Variants in PDZD2 observed in about 807,000 individuals in gnomAD.
The protein encoded by PDZD2 is PDZ domain-containing protein 2.
A neutral mutation model predicts 220.7 loss-of-function variants in PDZD2; 90 were observed. The observed-to-expected ratio is 0.41, with a 90% CI of 0.34 to 0.49. The LOEUF is 0.49. PDZD2 is among the 20% of genes least tolerant of loss of function. The probability of loss-of-function intolerance (pLI) is 0.28; values close to 1 mark genes in which losing one functional copy is unlikely to be tolerated. For synonymous variants in PDZD2, 1,375 were observed against 1,450.5 expected, an observed-to-expected ratio of 0.95 and a Z score of 1.18; for missense variants, 3,174 against 3,608.5, an observed-to-expected ratio of 0.88 and a Z score of 3.08.
intron 1 of PDZD2, among the ~76,000 whole-genome samples, chr5:31,655,205 C>T (rs1745500724): frequency 6.6e-6 from 1 of 152,184 alleles, no homozygotes; most frequent in South Asian, 2.1e-4. Flanking sequence ...CAGAGTCTCA[C>T]TCTGTCACCC....
intron 2 of PDZD2, among the ~76,000 whole-genome samples, chr5:31,848,437 T>C (rs1757714686): frequency 6.6e-6 from 1 of 152,226 alleles, no homozygotes; most frequent in African/African-American, 2.4e-5. Context: ...GAGATAGCAA[T>C]GCACCCTCCC....
chr5:32,088,578 G>A lies in PDZD2; in HGVS notation c.5130G>A (p.Pro1710=), dbSNP rs150510158. 69 of 1,614,046 alleles carry A rather than the reference G, an allele frequency of 4.3e-5. No individual in the cohort carries two copies. The African/African-American group carries it at 4.8e-4, about 11-fold the overall frequency. The change falls in exon 20 of 25, where the codon CCG becomes CCA. Residue 1710 remains proline, a synonymous_variant. Transcript: ENST00000438447. The surrounding 1 kb of genome is among the most constrained non-coding windows in gnomAD (Gnocchi z 4.6). ...CTAGCTCAGCCATGGAAAACAGTCC[G>A]CTGTCTAAAGTAGCCAGGCATTTTC... ...TSASSAMENS[P]LSKVARHFHS...
rs1197639482 is a variant in PDZD2, at chr5:32,002,874, A to G, written c.1254+2603A>G. On this transcript the variant is annotated intron_variant, in intron 5 of 24. Transcript: ENST00000438447. ...CCAACACACACACACCCCACATACC[A>G]CACACACACCACACACACCAACACA... Among the ~76,000 whole-genome samples, 3 of 97,484 alleles carry G rather than the reference A, an allele frequency of 3.1e-5. No individual in the cohort carries two copies. The Admixed American group carries it at 3.2e-4, about 10-fold the overall frequency. 64.0% of individuals were successfully genotyped at this position (97,484 alleles called of 152,430 possible).
At chr5:32,065,762 C>T (rs973560577) in intron 14 of PDZD2, among the ~76,000 whole-genome samples, 8 of 152,202 alleles carry the variant, frequency 5.3e-5, no homozygotes, top group African/African-American at 1.4e-4. Context: ...CTGTGGCTCA[C>T]GCCTGTAATC....
intron 19 of PDZD2, among the ~76,000 whole-genome samples, chr5:32,079,284 A>C (rs79465787): frequency 0.068 from 10,239 of 150,398 alleles, 492 homozygotes; most frequent in East Asian, 0.22. Context: ...AAAAAACAAA[A>C]AAAAAAAAGG....
At chr5:31,771,879 A>G (rs1752357838) in intron 1 of PDZD2, among the ~76,000 whole-genome samples, 1 of 151,828 alleles carries the variant, frequency 6.6e-6, no homozygotes, top group South Asian at 2.1e-4. Flanking sequence ...TTAACCTATT[A>G]AATGAGATAA....
intron 2 of PDZD2, among the ~76,000 whole-genome samples, chr5:31,837,082 G>A (rs896685780): frequency 6.6e-6 from 1 of 151,688 alleles, no homozygotes; most frequent in Non-Finnish European, 1.5e-5. Context: ...AAATCATGTA[G>A]ACTAATCCAC....
intron 1 of PDZD2, among the ~76,000 whole-genome samples, chr5:31,782,886 G>A (rs933055313): frequency 2.0e-5 from 3 of 151,632 alleles, no homozygotes; most frequent in African/African-American, 7.3e-5. Flanking sequence ...GGTAATTTTT[G>A]TATTTTTAGT....
chr5:31,829,213 T>C (rs1433778804), intron 2 of PDZD2, among the ~76,000 whole-genome samples: 1 of 152,210 alleles, frequency 6.6e-6, no homozygotes, highest in Non-Finnish European at 1.5e-5. Context: ...GTTACTCTTA[T>C]AGAGGTGTGG....
chr5:31,879,692 A>G (rs968072811), intron 2 of PDZD2, among the ~76,000 whole-genome samples: 1 of 152,028 alleles, frequency 6.6e-6, no homozygotes, highest in African/African-American at 2.4e-5. Flanking sequence ...AGAGATTTAT[A>G]AGGATTGGAG....
chr5:31,982,574 T>C (rs1012376487), intron 2 of PDZD2, among the ~76,000 whole-genome samples: 1 of 152,156 alleles, frequency 6.6e-6, no homozygotes, highest in South Asian at 2.1e-4. Flanking sequence ...CCCAAAGCGC[T>C]GGATTACAGG....
intron 2 of PDZD2, among the ~76,000 whole-genome samples, chr5:31,835,617 C>CAAA (rs35183763): frequency 1.1e-4 from 16 of 142,886 alleles, no homozygotes; most frequent in Non-Finnish European, 1.7e-4. Context: ...CACTCCATCT[C>CAAA]AAAAAAAAAA....
intron 3 of PDZD2, among the ~76,000 whole-genome samples, chr5:31,992,864 GAA>G (rs11442724): frequency 7.1e-6 from 1 of 140,450 alleles, no homozygotes; most frequent in African/African-American, 2.6e-5. Context: ...CTCTTCCATG[GAA>G]AAAAAAAAAA....
chr5:31,665,636 GT>G (rs1276190089), intron 1 of PDZD2, among the ~76,000 whole-genome samples: 4 of 36,332 alleles, frequency 1.1e-4, no homozygotes, highest in African/African-American at 2.2e-4. Context: ...GTGTTTGGAA[GT>G]TCCCCCTCCC....
chr5:32,032,461 G>C (rs1051188019), intron 6 of PDZD2, among the ~76,000 whole-genome samples: 2 of 152,170 alleles, frequency 1.3e-5, no homozygotes, highest in African/African-American at 2.4e-5. Flanking sequence ...CCCACTTCCA[G>C]AGGTCCTCTT....
At chr5:31,683,024 A>G (rs1746709269) in intron 1 of PDZD2, among the ~76,000 whole-genome samples, 1 of 151,860 alleles carries the variant, frequency 6.6e-6, no homozygotes, top group Non-Finnish European at 1.5e-5. Flanking sequence ...CTTTGAGGCC[A>G]TCTCCCCCTG....
chr5:31,739,289 C>A (rs892426076), intron 1 of PDZD2, among the ~76,000 whole-genome samples: 1 of 152,056 alleles, frequency 6.6e-6, no homozygotes, highest in African/African-American at 2.4e-5. Context: ...ACACATGATT[C>A]GTTGTCTTTA....
chr5:31,761,442 C>T (rs546502646), intron 1 of PDZD2, among the ~76,000 whole-genome samples: 19 of 76,686 alleles, frequency 2.5e-4, no homozygotes, highest in African/African-American at 1.1e-3. Context: ...AAAGTAAAGA[C>T]GACACTAAGA....
rs5867108 is a variant in PDZD2 at position 31,837,016 on chromosome 5, A to AAAAGAAAGAAAG, written c.476+37320_476+37331dup. 4.9e-3 allele frequency among the ~76,000 whole-genome samples: 719 copies of AAAAGAAAGAAAG among 146,670 alleles called. 6 individuals carry two copies. The highest frequency in any genetic ancestry group is 0.02 in the Admixed American group (296 of 14,664). On this transcript the variant is annotated intron_variant, in intron 2 of 24. Transcript: ENST00000438447. ...CTGGGCAACTGAGCGAGACTGTCTT[A>AAAAGAAAGAAAG]AAAGAAAGAAAGAAAGAAAGAAAGA...
Sources: gnomAD v4.1 joint callset for allele counts (sites outside exome capture counted in the v4.1 genomes callset) on GRCh38, gnomAD v4.1.1 for gene constraint, Gnocchi (gnomAD v3.1) non-coding constraint, MANE v1.5 for transcripts, NCBI Gene and HGNC (gene_info 2026-07-23, HGNC 2026-07-21) for gene names.